PER2: variants seen among roughly 807,000 people sequenced by gnomAD.
PER2 encodes the protein period circadian regulator 2.
PER2 carries 66 observed loss-of-function variants against 121.0 expected under a neutral mutation model. That is an observed-to-expected ratio of 0.55 (90% CI 0.45 to 0.67). PER2 has a LOEUF of 0.67. Ranked by LOEUF, PER2 falls within the 30% of genes least tolerant of loss-of-function variation. The pLI, the probability that PER2 is intolerant of heterozygous loss-of-function variation, is 0.00. For missense variants in PER2, 1,521 were observed against 1,635.0 expected (o/e 0.93, Z 1.20); for synonymous variants, 684 against 659.9 (o/e 1.04, Z -0.56).
At chr2:238,289,281 A>C (rs972505252), upstream of PER2, 1 of 152,210 alleles carries the variant, frequency 6.6e-6, no homozygotes, top group African/African-American at 2.4e-5. Flanking sequence ...TCACGCATTC[A>C]CATTCATTCA....
In PER2 at chr2:238,246,466, T is replaced by A; in HGVS notation, c.3677A>T (p.Asp1226Val). 1.3e-6 allele frequency: 2 copies of A among 1,595,336 alleles called. No homozygotes were observed. Among genetic ancestry groups the A allele is most frequent in the Non-Finnish European group, 1.7e-6 (2 of 1,162,910 alleles). Residue 1226 changes from aspartate (D) to valine (V), a missense_variant, in exon 23 of 23, where the codon GAT becomes GTT. Physicochemically the swap from Asp to Val is radical, Grantham distance 152 (BLOSUM62 -3). Transcript: ENST00000254657. ...KGNICIPYEE[D>V]IPSLGLSEVS... ...TTCGCTGAGTCCCAGAGAAGGAATA[T>A]CTTCCTCATATGGTATGCAAATATT...
At chr2:238,278,963 T>A (rs185780287) in intron 1 of PER2, among the ~76,000 whole-genome samples, 163 of 152,062 alleles carry the variant, frequency 1.1e-3, no homozygotes, top group Non-Finnish European at 2.0e-3. Flanking sequence ...AAACTTAACC[T>A]CTGCACTTTG....
chr2:238,286,042 G>A (rs1043882283), intron 1 of PER2, among the ~76,000 whole-genome samples: 6 of 152,076 alleles, frequency 3.9e-5, no homozygotes, highest in Admixed American at 6.5e-5. Context: ...GAGGTGCACC[G>A]GGGAGGCATT....
At chr2:238,249,605 A>G (rs1042877612) in intron 21 of PER2, among the ~76,000 whole-genome samples, 3 of 152,140 alleles carry the variant, frequency 2.0e-5, no homozygotes, top group African/African-American at 7.2e-5. Flanking sequence ...CATATCCACT[A>G]GCTGACCAGA....
intron 4 of PER2, among the ~76,000 whole-genome samples, chr2:238,274,067 C>T (rs1419805195): frequency 6.6e-6 from 1 of 152,208 alleles, no homozygotes; most frequent in African/African-American, 2.4e-5. Context: ...TCAGACACCC[C>T]CATCCAGGCA....
chr2:238,298,391 G>A, the PER2 span: 1 of 152,168 alleles, frequency 6.6e-6, no homozygotes, highest in Non-Finnish European at 1.5e-5. Flanking sequence ...CCTAAACTAA[G>A]ACACTGGATA....
chr2:238,257,943 T>G (rs1362096927), intron 16 of PER2, among the ~76,000 whole-genome samples: 4 of 152,252 alleles, frequency 2.6e-5, no homozygotes, highest in Non-Finnish European at 4.4e-5. Context: ...GAGACCAGTG[T>G]GGCTGCATGA....
chr2:238,297,756 C>G, the PER2 span, among the ~76,000 whole-genome samples: 1 of 152,318 alleles, frequency 6.6e-6, no homozygotes, highest in South Asian at 2.1e-4. Context: ...GCTGCCAGGG[C>G]TCTTCCCAAA....
chr2:238,262,456 G>A (rs1250084712), intron 10 of PER2, 112 bp from the exon 11 acceptor site: 2 of 990,964 alleles, frequency 2.0e-6, no homozygotes, highest in Non-Finnish European at 3.1e-6. Flanking sequence ...AACTGTAGGG[G>A]TATGAACACT....
upstream of PER2, among the ~76,000 whole-genome samples, chr2:238,293,753 GAAAA>G (rs1177009881): frequency 1.3e-5 from 2 of 150,406 alleles, no homozygotes; most frequent in Admixed American, 6.6e-5. Flanking sequence ...AAAAAAGAAA[GAAAA>G]AGAAAAAAAA....
At chr2:238,255,251 C>T (rs1695725708) in intron 18 of PER2, 1 of 307,950 alleles carries the variant, frequency 3.2e-6, no homozygotes, top group African/African-American at 2.2e-5. Context: ...AGAAGGGCAC[C>T]AGAAATGGTA....
the PER2 span, among the ~76,000 whole-genome samples, chr2:238,297,922 G>T: frequency 6.6e-6 from 1 of 152,146 alleles, no homozygotes; most frequent in Non-Finnish European, 1.5e-5. Context: ...TGCCTCGTGT[G>T]GCTCATCAGG....
At chr2:238,274,226 G>C (rs1212464461) in intron 4 of PER2, among the ~76,000 whole-genome samples, 1 of 152,240 alleles carries the variant, frequency 6.6e-6, no homozygotes, top group South Asian at 2.1e-4. Context: ...CCTGTCTCTG[G>C]GTGTCGGTGC....
chr2:238,258,867 G>C (rs976192298), intron 14 of PER2, among the ~76,000 whole-genome samples: 4 of 152,040 alleles, frequency 2.6e-5, no homozygotes, highest in African/African-American at 4.8e-5. Flanking sequence ...TGCCCAGCCT[G>C]GTGTCTGCTT....
chr2:238,255,475 A>C (rs1041749726), intron 18 of PER2, 182 bp downstream of exon 18: 1 of 691,432 alleles, frequency 1.4e-6, no homozygotes, highest in Non-Finnish European at 2.6e-6. Flanking sequence ...ACATCCCGAG[A>C]GCACCCCCCC....
intron 1 of PER2, among the ~76,000 whole-genome samples, chr2:238,287,133 C>T (rs1696812463): frequency 6.6e-6 from 1 of 152,316 alleles, no homozygotes; most frequent in South Asian, 2.1e-4. Flanking sequence ...CCCTTCCCAC[C>T]TGGCACTCCA....
intron 1 of PER2, among the ~76,000 whole-genome samples, chr2:238,284,131 C>T (rs1696711724): frequency 6.6e-6 from 1 of 152,166 alleles, no homozygotes; most frequent in South Asian, 2.1e-4. Flanking sequence ...ATTAGCTTAT[C>T]ACTGCTAATC....
rs1240764016 is a variant in PER2, at chr2:238,255,677, T to C, written c.2300A>G (p.Lys767Arg). 2.5e-6 allele frequency: 4 copies of C among 1,614,276 alleles called. No individual in the cohort carries two copies. Among genetic ancestry groups the C allele is most frequent in the African/African-American group, 1.3e-5 (1 of 75,078 alleles). ...CTTACTTCGTTCACTTGGCTGCCCCTTGGATCTTTCTTGCAAGTAGTAATG... is the reference window on the plus strand; with the variant it reads ...CTTACTTCGTTCACTTGGCTGCCCCCTGGATCTTTCTTGCAAGTAGTAATG... Reference protein sequence around the residue: ...HCHYYLQERSKGQPSERTAPG... With the variant: ...HCHYYLQERSRGQPSERTAPG... The change falls in exon 18 of 23, where the codon AAG (lysine) becomes AGG (arginine). Residue 767 changes from lysine (K) to arginine (R), a missense_variant. Transcript: ENST00000254657.
At chr2:238,278,031 C>A in intron 1 of PER2, 76 bp from the exon 2 acceptor site, 1 of 1,476,154 alleles carries the variant, frequency 6.8e-7, no homozygotes, top group Non-Finnish European at 9.2e-7. Context: ...GGTAGAGCAC[C>A]CATTTGACTC....
Sources: allele counts gnomAD v4.1 joint callset (sites outside exome capture counted in the v4.1 genomes callset), GRCh38; gene constraint gnomAD v4.1.1; transcripts MANE v1.5; gene names NCBI Gene and HGNC (gene_info 2026-07-23, HGNC 2026-07-21).